The following LINC00305 variants were observed in gnomAD, a reference collection of about 807,000 sequenced individuals.
The protein encoded by LINC00305 is long intergenic non-protein coding RNA 305.
intron 1 of LINC00305, among the ~76,000 whole-genome samples, chr18:64,118,313 A>G (rs1295621564): frequency 6.6e-6 from 1 of 152,206 alleles, no homozygotes; most frequent in African/African-American, 2.4e-5. Flanking sequence ...TAATGTAGAT[A>G]TACATACAGT....
chr18:64,148,985 C>G (rs1474614592), exon 1 of LINC00305: 1 of 152,160 alleles, frequency 6.6e-6, no homozygotes, highest in Non-Finnish European at 1.5e-5. Flanking sequence ...AAATTGGAGA[C>G]AAGTTCACAG....
intron 1 of LINC00305, among the ~76,000 whole-genome samples, chr18:64,130,699 G>T (rs1015818523): frequency 2.6e-5 from 4 of 152,088 alleles, no homozygotes; most frequent in South Asian, 2.1e-4. Context: ...TTCACAGAAG[G>T]GTTGATATTT....
At chr18:64,088,040 G>A (rs539585281) in intron 3 of LINC00305, among the ~76,000 whole-genome samples, 38 of 152,196 alleles carry the variant, frequency 2.5e-4, no homozygotes, top group African/African-American at 8.7e-4. Context: ...AGAGAATGGT[G>A]TAAACCCGGG....
At chr18:64,099,674 A>G (rs1353603962) in intron 1 of LINC00305, among the ~76,000 whole-genome samples, 1 of 152,182 alleles carries the variant, frequency 6.6e-6, no homozygotes, top group Admixed American at 6.5e-5. Flanking sequence ...ACTGAGTGCA[A>G]ACAGTTGGTT....
intron 1 of LINC00305, among the ~76,000 whole-genome samples, chr18:64,113,585 A>C (rs904682628): frequency 6.6e-6 from 1 of 152,170 alleles, no homozygotes; most frequent in African/African-American, 2.4e-5. Flanking sequence ...TGCCCATGAG[A>C]GTGAGGAGAC....
chr18:64,093,730 G>A (rs2051234083), intron 3 of LINC00305, among the ~76,000 whole-genome samples: 2 of 152,200 alleles, frequency 1.3e-5, no homozygotes, highest in African/African-American at 4.8e-5. Flanking sequence ...TCTGCTATAG[G>A]CAAGAGAGTT....
At chr18:64,106,707 C>T (rs977597884) in intron 1 of LINC00305, among the ~76,000 whole-genome samples, 1 of 152,080 alleles carries the variant, frequency 6.6e-6, no homozygotes, top group Admixed American at 6.5e-5. Flanking sequence ...CACACGGACC[C>T]AAGTATGATC....
chr18:64,127,650 C>T (rs2051391266), intron 1 of LINC00305, among the ~76,000 whole-genome samples: 1 of 152,090 alleles, frequency 6.6e-6, no homozygotes, highest in Non-Finnish European at 1.5e-5. Flanking sequence ...GAATCAGCCT[C>T]AGGTCATGGT....
At chr18:64,143,847 C>CATGTAT (rs567473298) in intron 1 of LINC00305, among the ~76,000 whole-genome samples, 8 of 114,346 alleles carry the variant, frequency 7.0e-5, no homozygotes, top group South Asian at 4.9e-4. Flanking sequence ...TGTATGTATA[C>CATGTAT]ATACATACAT....
intron 1 of LINC00305, among the ~76,000 whole-genome samples, chr18:64,099,036 CAA>C (rs1185384627): frequency 6.6e-6 from 1 of 152,088 alleles, no homozygotes; most frequent in Admixed American, 6.6e-5. Context: ...GGATATTATT[CAA>C]ATCAGTAAGA....
At chr18:64,141,229 C>T (rs530330686) in intron 1 of LINC00305, among the ~76,000 whole-genome samples, 8 of 151,218 alleles carry the variant, frequency 5.3e-5, no homozygotes, top group African/African-American at 1.9e-4. Flanking sequence ...TGAGTATGGA[C>T]GAATAAAGAA....
chr18:64,094,718 C>A (rs1175005194), intron 3 of LINC00305, among the ~76,000 whole-genome samples: 1 of 152,016 alleles, frequency 6.6e-6, no homozygotes, highest in African/African-American at 2.4e-5. Flanking sequence ...CAAAAATAAA[C>A]CAGGTGTGTT....
intron 1 of LINC00305, among the ~76,000 whole-genome samples, chr18:64,103,480 C>A (rs1184204747): frequency 6.6e-6 from 1 of 152,180 alleles, no homozygotes; most frequent in Non-Finnish European, 1.5e-5. Flanking sequence ...TTGTCTTCAG[C>A]ACTCTCCAGT....
intron 1 of LINC00305, among the ~76,000 whole-genome samples, chr18:64,102,058 C>T (rs2051269519): frequency 6.6e-6 from 1 of 152,198 alleles, no homozygotes; most frequent in African/African-American, 2.4e-5. Context: ...GTCAATTTCA[C>T]AAACCGACAA....
intron 1 of LINC00305, among the ~76,000 whole-genome samples, chr18:64,125,932 G>C (rs1385622707): frequency 6.6e-6 from 1 of 152,040 alleles, no homozygotes; most frequent in African/African-American, 2.4e-5. Context: ...AGATCACACA[G>C]AAAGAAAATC....
chr18:64,127,124 G>A (rs1426781703), intron 1 of LINC00305, among the ~76,000 whole-genome samples: 1 of 151,902 alleles, frequency 6.6e-6, no homozygotes, highest in East Asian at 1.9e-4. Context: ...TAACATGTTA[G>A]GTGTCCAAAA....
chr18:64,090,727 G>T (rs932353117), intron 3 of LINC00305, among the ~76,000 whole-genome samples: 38 of 152,072 alleles, frequency 2.5e-4, no homozygotes, highest in African/African-American at 8.9e-4. Context: ...TTTGCTTTTC[G>T]ATGTTATAAG....
At chr18:64,094,732 A>G (rs2051238160) in intron 3 of LINC00305, among the ~76,000 whole-genome samples, 2 of 152,036 alleles carry the variant, frequency 1.3e-5, no homozygotes, top group African/African-American at 2.4e-5. Context: ...GTGTGTTGGC[A>G]GGTGCCTGTA....
intron 1 of LINC00305, among the ~76,000 whole-genome samples, chr18:64,148,310 A>AACTTCCCTT (rs1372781450): frequency 1.3e-5 from 2 of 151,932 alleles, no homozygotes. Flanking sequence ...CTGGGGTGCA[A>AACTTCCCTT]ACTTCCCTTA....
Sources: gnomAD v4.1 joint callset for allele counts (sites outside exome capture counted in the v4.1 genomes callset) on GRCh38, gnomAD v4.1.1 for gene constraint, MANE v1.5 for transcripts, NCBI Gene and HGNC (gene_info 2026-07-23, HGNC 2026-07-21) for gene names.